The following NEDD9 variants were observed in gnomAD, a reference collection of about 807,000 sequenced individuals.
The protein encoded by NEDD9 is neural precursor cell expressed, developmentally down-regulated 9, also known as enhancer of filamentation 1.
Under a neutral mutation model 76.6 loss-of-function variants are expected in NEDD9, and 26 were observed. The ratio of observed to expected loss-of-function variants is 0.34; its 90% CI spans 0.25 to 0.47. The LOEUF is 0.47. Ranked by LOEUF, NEDD9 falls within the 20% of genes least tolerant of loss-of-function variation. The pLI is 1.00. For synonymous variants in NEDD9, 392 were observed against 414.2 expected (o/e 0.95, Z 0.65); for missense variants, 937 against 1,058.5 (o/e 0.89, Z 1.59).
chr6:11,376,139 T>C (rs1762966067), intron 1 of NEDD9, among the ~76,000 whole-genome samples: 1 of 152,224 alleles, frequency 6.6e-6, no homozygotes, highest in African/African-American at 2.4e-5. Context: ...TTTTTTTCTT[T>C]ATAAATTACC....
chr6:11,286,606 C>T (rs915775583), intron 3 of NEDD9, among the ~76,000 whole-genome samples: 3 of 152,138 alleles, frequency 2.0e-5, no homozygotes, highest in African/African-American at 7.2e-5. Context: ...ACACTGTGGT[C>T]CATCCGTATG....
At chr6:11,188,709 C>T (rs947350166) in intron 5 of NEDD9, among the ~76,000 whole-genome samples, 18 of 152,166 alleles carry the variant, frequency 1.2e-4, no homozygotes, top group African/African-American at 4.3e-4. Flanking sequence ...GGCAGTAGTT[C>T]CCACTGTGCA....
At chr6:11,353,816 T>G (rs7739753) in intron 1 of NEDD9, among the ~76,000 whole-genome samples, 31 of 152,278 alleles carry the variant, frequency 2.0e-4, no homozygotes, top group African/African-American at 7.5e-4. Context: ...GGCAGGTGAT[T>G]AAGAAGAAAA....
intron 1 of NEDD9, among the ~76,000 whole-genome samples, chr6:11,223,722 C>T (rs1446137265): frequency 1.3e-5 from 2 of 152,290 alleles, no homozygotes; most frequent in East Asian, 1.9e-4. Flanking sequence ...GGATGCAAAT[C>T]CCCCGCACTG....
intron 1 of NEDD9, among the ~76,000 whole-genome samples, chr6:11,360,391 G>A (rs1326186895): frequency 7.9e-5 from 12 of 152,196 alleles, no homozygotes; most frequent in Admixed American, 7.2e-4. Context: ...TGAGAACTGT[G>A]TGGTCACCAC....
chr6:11,324,576 G>C (rs1196056647), intron 2 of NEDD9, among the ~76,000 whole-genome samples: 1 of 152,186 alleles, frequency 6.6e-6, no homozygotes, highest in Non-Finnish European at 1.5e-5. Context: ...ATTTCCTCTT[G>C]AAACTTGTAT....
At chr6:11,365,057 G>C (rs551287313) in intron 1 of NEDD9, among the ~76,000 whole-genome samples, 2 of 152,230 alleles carry the variant, frequency 1.3e-5, no homozygotes, top group African/African-American at 4.8e-5. Flanking sequence ...GGCAGATTTA[G>C]GGGAGCTCTT....
chr6:11,206,247 C>T (rs1201017332), intron 2 of NEDD9, among the ~76,000 whole-genome samples: 1 of 151,918 alleles, frequency 6.6e-6, no homozygotes, highest in African/African-American at 2.4e-5. Flanking sequence ...GATGAAACCC[C>T]GTCTCTACTA....
chr6:11,366,516 A>G (rs1762774341), intron 1 of NEDD9, among the ~76,000 whole-genome samples: 1 of 152,238 alleles, frequency 6.6e-6, no homozygotes, highest in Non-Finnish European at 1.5e-5. Flanking sequence ...GGTAGTACCA[A>G]AGGGTCACTT....
chr6:11,253,987 C>A, intron 3 of NEDD9, among the ~76,000 whole-genome samples: 1 of 152,042 alleles, frequency 6.6e-6, no homozygotes, highest in East Asian at 1.9e-4. Flanking sequence ...CATGAAATTA[C>A]AGATAAAATA....
intron 3 of NEDD9, among the ~76,000 whole-genome samples, chr6:11,281,487 A>G (rs1429210289): frequency 6.6e-6 from 1 of 152,168 alleles, no homozygotes; most frequent in Non-Finnish European, 1.5e-5. Context: ...AAGATGTGAT[A>G]TCTGGAGCTA....
intron 3 of NEDD9, among the ~76,000 whole-genome samples, chr6:11,300,833 A>T (rs1582008838): frequency 6.6e-6 from 1 of 152,220 alleles, no homozygotes; most frequent in Non-Finnish European, 1.5e-5. Flanking sequence ...TGTCACTACC[A>T]GGCCTGCCTT....
intron 1 of NEDD9, among the ~76,000 whole-genome samples, chr6:11,347,489 C>T (rs1038510424): frequency 2.0e-5 from 3 of 152,046 alleles, no homozygotes; most frequent in Non-Finnish European, 4.4e-5. Context: ...ACAAAACAAA[C>T]AAACAAAAAT....
chr6:11,222,618 G>A (rs1274793204), intron 1 of NEDD9, among the ~76,000 whole-genome samples: 1 of 152,236 alleles, frequency 6.6e-6, no homozygotes, highest in African/African-American at 2.4e-5. Flanking sequence ...CTTTCTTAAA[G>A]ACCCAGCTCT....
rs117605372 is a variant in NEDD9 at position 11,309,316 on chromosome 6, A to G, written c.-152-3161T>C. Reference sequence around the variant, plus strand: ...TTTCCATCCTATTAATAATGTTCACAGACAATTGTGTTGTTTCCAGTACTA... The same window carrying G: ...TTTCCATCCTATTAATAATGTTCACGGACAATTGTGTTGTTTCCAGTACTA... On this transcript the variant is annotated intron_variant, in intron 2 of 3. Coordinates refer to the NEDD9 transcript ENST00000397378. Among the ~76,000 whole-genome samples the G allele has an allele frequency of 4.0e-3, 613 of 152,356 alleles. 5 individuals carry two copies. In the East Asian group the frequency reaches 0.052, roughly 13 times the overall value.
At chr6:11,249,321 T>TTGTTAGAATTCCTGGGTTGGTTCA (rs1165355932) in intron 3 of NEDD9, 2 of 389,878 alleles carry the variant, frequency 5.1e-6, no homozygotes, top group Admixed American at 6.1e-5. Context: ...TTCTTCTTAT[T>TTGTTAGAATTCCTGGGTTGGTTCA]TGTTAGAATT....
rs1758712608 is a variant in NEDD9, at chr6:11,209,610, A to G, written c.459+3671T>C. Among the ~76,000 whole-genome samples, 3 of 152,224 alleles carry G rather than the reference A, an allele frequency of 2.0e-5. No homozygotes were observed. The South Asian group carries it at 6.2e-4, about 32-fold the overall frequency. On this transcript the variant is annotated intron_variant, in intron 2 of 6. Transcript: ENST00000379446. Reference sequence around the variant, plus strand: ...TGCCATGCTAAGCACTGAGCCAGGGACTTTCTATGTATGCTTCTGTTTAAT... The same window carrying G: ...TGCCATGCTAAGCACTGAGCCAGGGGCTTTCTATGTATGCTTCTGTTTAAT...
intron 3 of NEDD9, among the ~76,000 whole-genome samples, chr6:11,267,628 C>CA (rs1253186875): frequency 6.6e-6 from 1 of 151,830 alleles, no homozygotes; most frequent in Non-Finnish European, 1.5e-5. Flanking sequence ...TCCTAGGGAA[C>CA]AAGGGTATGG....
chr6:11,232,182 C>T (rs1759488149), intron 1 of NEDD9, among the ~76,000 whole-genome samples: 1 of 152,322 alleles, frequency 6.6e-6, no homozygotes, highest in East Asian at 1.9e-4. Context: ...TGAGCCAATG[C>T]CTGCCGCGAT....
Sources: allele counts gnomAD v4.1 joint callset (sites outside exome capture counted in the v4.1 genomes callset), GRCh38; gene constraint gnomAD v4.1.1; transcripts MANE v1.5; gene names NCBI Gene and HGNC (gene_info 2026-07-23, HGNC 2026-07-21).